Variants in KSR2 observed in about 807,000 individuals in gnomAD.
KSR2 encodes the protein kinase suppressor of ras 2.
A neutral mutation model predicts 107.8 loss-of-function variants in KSR2; 25 were observed. The observed-to-expected ratio is 0.23, with a 90% CI of 0.17 to 0.32. The LOEUF (loss-of-function observed/expected upper bound fraction) is 0.32, where lower values mean the gene tolerates loss of function less well. Ranked by LOEUF, KSR2 falls within the 10% of genes least tolerant of loss-of-function variation. KSR2 has a pLI of 1.00. For synonymous variants in KSR2, 480 were observed against 507.0 expected (o/e 0.95, Z 0.71); for missense variants, 887 against 1,268.9 (o/e 0.70, Z 4.57).
rs374035118 is a variant in KSR2 at position 117,453,745 on chromosome 12, G to A, written c.*13454C>T. The A allele has an allele frequency of 8.5e-5, 13 of 152,172 alleles. No individual in the cohort carries two copies. Among genetic ancestry groups the A allele is most frequent in the African/African-American group, 2.9e-4 (12 of 41,438 alleles). 9.4% of individuals were successfully genotyped at this position (152,172 alleles called of 1,614,324 possible). On this transcript the variant is annotated 3_prime_UTR_variant, in exon 20 of 20. Transcript: ENST00000339824. Reference sequence around the variant, plus strand: ...GAGCGAGAAATGAGAGGCTTGGGGTGGAAACGTTGACCACCTAAGTCTGGG... The same window carrying A: ...GAGCGAGAAATGAGAGGCTTGGGGTAGAAACGTTGACCACCTAAGTCTGGG...
intron 4 of KSR2, among the ~76,000 whole-genome samples, chr12:117,679,897 A>G (rs182936170): frequency 6.6e-6 from 1 of 152,154 alleles, no homozygotes; most frequent in African/African-American, 2.4e-5. Flanking sequence ...AGTCATGCCT[A>G]CTCATTTATA....
intron 3 of KSR2, among the ~76,000 whole-genome samples, chr12:117,782,919 G>A (rs1253317243): frequency 1.3e-5 from 2 of 152,098 alleles, no homozygotes; most frequent in Non-Finnish European, 2.9e-5. Flanking sequence ...TAGAATGGGG[G>A]ACTACACATA....
intron 5 of KSR2, among the ~76,000 whole-genome samples, chr12:117,584,626 C>T (rs1271315614): frequency 6.6e-6 from 1 of 152,210 alleles, no homozygotes; most frequent in African/African-American, 2.4e-5. Flanking sequence ...ATACATTTTC[C>T]ACCTCTGCAA....
At chr12:117,866,272 C>CT (rs1893467556) in intron 1 of KSR2, among the ~76,000 whole-genome samples, 1 of 152,036 alleles carries the variant, frequency 6.6e-6, no homozygotes, top group Non-Finnish European at 1.5e-5. Context: ...AGGCTGGTCT[C>CT]TAACTCCTGG....
At position 117,466,472 on chromosome 12, in the gene KSR2, T is replaced by G. The variant is rs1306214911; in HGVS notation, c.*727A>C. ...AGAGAACAGGAGAAAACAGCAGAAA[T>G]GGGGGAATAGGTCCCCCAGAGAGAC... is the stretch of plus-strand genomic sequence containing the variant. On this transcript the variant is annotated 3_prime_UTR_variant, in exon 20 of 20. Coordinates refer to ENST00000339824, the MANE Select transcript of KSR2 (RefSeq NM_173598.6). 1 of 152,142 alleles carries G rather than the reference T, an allele frequency of 6.6e-6. No homozygotes were observed. The highest frequency in any genetic ancestry group is 1.5e-5 in the Non-Finnish European group (1 of 68,058). 9.4% of individuals were successfully genotyped at this position (152,142 alleles called of 1,614,324 possible).
intron 14 of KSR2, 88 bp from the exon 15 acceptor site, chr12:117,485,779 A>T (rs1872429360): frequency 1.1e-6 from 1 of 878,382 alleles, no homozygotes; most frequent in Non-Finnish European, 1.9e-6. Flanking sequence ...AAATGATGGC[A>T]TAGACACGTG....
intron 11 of KSR2, 79 bp from the exon 12 acceptor site, chr12:117,531,092 T>G: frequency 2.6e-6 from 3 of 1,165,712 alleles, no homozygotes; most frequent in Non-Finnish European, 3.8e-6. Context: ...CTGGGCGACA[T>G]GGCAGCCAAT....
chr12:117,564,040 C>T (rs965336579), intron 7 of KSR2, among the ~76,000 whole-genome samples: 4 of 151,106 alleles, frequency 2.6e-5, no homozygotes, highest in African/African-American at 9.9e-5. Context: ...TGAACGTGGC[C>T]TTCCCCATGG....
intron 3 of KSR2, among the ~76,000 whole-genome samples, chr12:117,800,388 C>A (rs1288736104): frequency 6.6e-6 from 1 of 152,064 alleles, no homozygotes; most frequent in East Asian, 1.9e-4. Context: ...CTGCCCCCCC[C>A]AAAGCCTAAA....
intron 1 of KSR2, among the ~76,000 whole-genome samples, chr12:117,944,322 G>A (rs1293691120): frequency 6.6e-6 from 1 of 152,176 alleles, no homozygotes; most frequent in African/African-American, 2.4e-5. Context: ...GTTGCGGTGA[G>A]CCGAGATCGT....
intron 3 of KSR2, among the ~76,000 whole-genome samples, chr12:117,800,926 G>A (rs1320035437): frequency 1.3e-5 from 2 of 152,152 alleles, no homozygotes; most frequent in Non-Finnish European, 2.9e-5. Context: ...CAAAGGACAT[G>A]AACTCATTTT....
At chr12:117,711,292 G>A (rs192839446) in intron 4 of KSR2, among the ~76,000 whole-genome samples, 2 of 152,238 alleles carry the variant, frequency 1.3e-5, no homozygotes, top group African/African-American at 2.4e-5. Flanking sequence ...CTGAGTGGCT[G>A]AAACTGAGAT....
At chr12:117,694,845 C>CTTTTTT (rs34228762) in intron 4 of KSR2, among the ~76,000 whole-genome samples, 18 of 99,096 alleles carry the variant, frequency 1.8e-4, no homozygotes, top group Admixed American at 3.8e-4. Context: ...TTGTATGATT[C>CTTTTTT]TTTTTTTTTT....
Position 117,792,997 on chromosome 12 carries a change from G to A in KSR2, c.473-31473C>T, listed in dbSNP as rs188591920. Among the ~76,000 whole-genome samples, 748 of 104,666 alleles carry A rather than the reference G, an allele frequency of 7.1e-3. 5 individuals are homozygous for A. Among genetic ancestry groups the A allele is most frequent in the African/African-American group, 0.026 (687 of 26,398 alleles). The allele number at this position is 104,666 out of a possible 152,430, so 68.7% of individuals were successfully genotyped here. A position where few individuals can be genotyped will look rare whatever the true frequency, so the allele number is the denominator to read the frequency against. The stretch of plus-strand genomic sequence containing the variant: ...CACACACTCTCACACCAACATGCAC[G>A]CACACACACCAACAGTACGCACTCT... On this transcript the variant is annotated intron_variant, in intron 3 of 19. Transcript: ENST00000339824.
At chr12:117,944,206 G>T (rs553195580) in intron 1 of KSR2, among the ~76,000 whole-genome samples, 5 of 151,704 alleles carry the variant, frequency 3.3e-5, no homozygotes, top group African/African-American at 1.2e-4. Flanking sequence ...GAGAAAGCCC[G>T]TCTCTACTAA....
At chr12:117,556,800 C>T (rs553292305) in intron 8 of KSR2, among the ~76,000 whole-genome samples, 4 of 152,114 alleles carry the variant, frequency 2.6e-5, no homozygotes, top group Non-Finnish European at 4.4e-5. Flanking sequence ...TCTGTCCACC[C>T]TATAGATGAG....
intron 1 of KSR2, among the ~76,000 whole-genome samples, chr12:117,964,820 G>T (rs1282464831): frequency 6.6e-6 from 1 of 152,224 alleles, no homozygotes; most frequent in African/African-American, 2.4e-5. Flanking sequence ...AGACAAGCTA[G>T]AATTTACAAC....
At chr12:117,902,773 TA>T (rs1469794149) in intron 1 of KSR2, among the ~76,000 whole-genome samples, 1 of 152,180 alleles carries the variant, frequency 6.6e-6, no homozygotes, top group Non-Finnish European at 1.5e-5. Context: ...CCAGCTCCAG[TA>T]AAAACATTTC....
At chr12:117,632,986 G>A (rs11068588) in intron 5 of KSR2, among the ~76,000 whole-genome samples, 3,233 of 152,274 alleles carry the variant, frequency 0.021, 89 homozygotes, top group East Asian at 0.074. Flanking sequence ...TGTGAATAGT[G>A]CTGTAATGAA....
Sources: gnomAD v4.1 joint callset for allele counts (sites outside exome capture counted in the v4.1 genomes callset) on GRCh38, gnomAD v4.1.1 for gene constraint, MANE v1.5 for transcripts, NCBI Gene and HGNC (gene_info 2026-07-23, HGNC 2026-07-21) for gene names.